KHDRBS2: variants seen among roughly 807,000 people sequenced by gnomAD.
KHDRBS2 encodes KH domain-containing, RNA-binding, signal transduction-associated protein 2.
A neutral mutation model predicts 44.3 loss-of-function variants in KHDRBS2; 26 were observed. The ratio of observed to expected loss-of-function variants is 0.59; its 90% CI spans 0.43 to 0.81. The LOEUF (loss-of-function observed/expected upper bound fraction) is 0.81, where lower values mean the gene tolerates loss of function less well. Ranked by LOEUF, KHDRBS2 falls within the 40% of genes least tolerant of loss-of-function variation. The probability of loss-of-function intolerance (pLI) is 0.00; values close to 1 mark genes in which losing one functional copy is unlikely to be tolerated. For missense variants in KHDRBS2, 476 were observed against 433.1 expected, an observed-to-expected ratio of 1.10 and a Z score of -0.88; for synonymous variants, 194 against 151.1, an observed-to-expected ratio of 1.28 and a Z score of -2.08.
chr6:61,811,474 G>T (rs921233139), intron 6 of KHDRBS2, among the ~76,000 whole-genome samples: 6 of 152,072 alleles, frequency 3.9e-5, no homozygotes, highest in African/African-American at 1.4e-4. Context: ...TCCAGTAATA[G>T]AATTGCTGGG....
rs1417679975 is a variant in KHDRBS2 at position 61,754,810 on chromosome 6, T to C, written c.811-22046A>G. On this transcript the variant is annotated intron_variant, in intron 6 of 8. Transcript: ENST00000281156. ...AGATGCATACATTTAGGGATATCTT[T>C]CTTAAATTATAACTTTGAAGGTTAG... Among the ~76,000 whole-genome samples, 5 of 152,282 alleles carry C rather than the reference T, an allele frequency of 3.3e-5. No individual in the cohort carries two copies. In the East Asian group the frequency reaches 5.8e-4, roughly 18 times the overall value.
At chr6:61,934,469 G>T (rs1810665492) in intron 4 of KHDRBS2, among the ~76,000 whole-genome samples, 1 of 152,078 alleles carries the variant, frequency 6.6e-6, no homozygotes. Flanking sequence ...CTGTAATAGA[G>T]TATATGCATT....
chr6:61,769,061 T>C (rs1037102332), intron 6 of KHDRBS2, among the ~76,000 whole-genome samples: 15 of 152,216 alleles, frequency 9.9e-5, no homozygotes, highest in African/African-American at 3.6e-4. Context: ...GAAATTAAAA[T>C]GCTCAGATAA....
At chr6:62,103,164 A>G (rs1347992785) in intron 2 of KHDRBS2, among the ~76,000 whole-genome samples, 1 of 152,140 alleles carries the variant, frequency 6.6e-6, no homozygotes, top group African/African-American at 2.4e-5. Flanking sequence ...GACTTCACCC[A>G]GAACTTGCAG....
chr6:62,061,031 T>C (rs1791708140), intron 2 of KHDRBS2, among the ~76,000 whole-genome samples: 1 of 151,946 alleles, frequency 6.6e-6, no homozygotes, highest in African/African-American at 2.4e-5. Flanking sequence ...GCTTGGTAGA[T>C]CTTCCTCCAT....
At chr6:62,094,251 C>G (rs569026348) in intron 2 of KHDRBS2, among the ~76,000 whole-genome samples, 3 of 151,872 alleles carry the variant, frequency 2.0e-5, no homozygotes, top group Admixed American at 2.0e-4. Context: ...TAAGGGGTAT[C>G]TCATTTTAAT....
intron 6 of KHDRBS2, among the ~76,000 whole-genome samples, chr6:61,879,424 T>C (rs558971219): frequency 1.3e-5 from 2 of 152,074 alleles, no homozygotes; most frequent in South Asian, 2.1e-4. Context: ...TTACATGCTG[T>C]TAGCTTTGAA....
chr6:62,265,682 T>C (rs1286979025), intron 1 of KHDRBS2, among the ~76,000 whole-genome samples: 2 of 152,040 alleles, frequency 1.3e-5, no homozygotes, highest in Non-Finnish European at 2.9e-5. Flanking sequence ...AAAAATTCTT[T>C]TCTTATTTTC....
At chr6:61,883,867 A>C (rs1431246295) in intron 6 of KHDRBS2, among the ~76,000 whole-genome samples, 1 of 152,026 alleles carries the variant, frequency 6.6e-6, no homozygotes, top group Non-Finnish European at 1.5e-5. Context: ...CATGAAACTC[A>C]AACAAGAATG....
chr6:62,202,936 T>C (rs1585187571), intron 1 of KHDRBS2, among the ~76,000 whole-genome samples: 1 of 152,266 alleles, frequency 6.6e-6, no homozygotes, highest in East Asian at 1.9e-4. Flanking sequence ...ATAGCAACTA[T>C]AATTGATTGT....
At chr6:61,978,678 G>A (rs1773227273) in intron 3 of KHDRBS2, among the ~76,000 whole-genome samples, 2 of 152,070 alleles carry the variant, frequency 1.3e-5, no homozygotes, top group Non-Finnish European at 2.9e-5. Context: ...GTGATAAAAA[G>A]TAGGGTAACT....
intron 6 of KHDRBS2, among the ~76,000 whole-genome samples, chr6:61,740,298 T>A (rs1165964938): frequency 6.6e-6 from 1 of 151,946 alleles, no homozygotes; most frequent in Non-Finnish European, 1.5e-5. Flanking sequence ...TGAAACTAAA[T>A]TGTGTTTTGT....
intron 2 of KHDRBS2, among the ~76,000 whole-genome samples, chr6:62,139,147 C>T (rs1161164070): frequency 6.6e-6 from 1 of 151,062 alleles, no homozygotes; most frequent in Admixed American, 6.6e-5. Flanking sequence ...AAGCCATTCA[C>T]AAAAATTTTC....
chr6:61,715,758 C>A (rs1178654988), intron 7 of KHDRBS2, among the ~76,000 whole-genome samples: 1 of 150,628 alleles, frequency 6.6e-6, no homozygotes, highest in African/African-American at 2.4e-5. Context: ...TAAGTCCTTC[C>A]TACTGTGCCT....
At chr6:62,159,550 A>ATATGTAGTCT (rs1817178002) in intron 2 of KHDRBS2, among the ~76,000 whole-genome samples, 4 of 152,082 alleles carry the variant, frequency 2.6e-5, no homozygotes, top group Admixed American at 2.6e-4. Flanking sequence ...TAGAGAAGAG[A>ATATGTAGTCT]CTACATAATT....
At chr6:61,766,112 T>G (rs1374663453) in intron 6 of KHDRBS2, among the ~76,000 whole-genome samples, 6 of 151,558 alleles carry the variant, frequency 4.0e-5, no homozygotes, top group African/African-American at 1.2e-4. Flanking sequence ...TGTTCAGGCT[T>G]TTTTTTTGCT....
Position 62,286,107 on chromosome 6 carries a change from C to A in KHDRBS2, c.-159G>T. 1.7e-6 allele frequency: 1 copy of A among 583,082 alleles called. No individual in the cohort carries two copies. The highest frequency in any genetic ancestry group is 2.1e-5 in the South Asian group (1 of 48,452). The allele number at this position is 583,082 out of a possible 1,614,324, so 36.1% of individuals were successfully genotyped here. A position where few individuals can be genotyped will look rare whatever the true frequency, so the allele number is the denominator to read the frequency against. On this transcript the variant is annotated 5_prime_UTR_variant, in exon 1 of 9. Transcript: ENST00000281156. Reference sequence around the variant, plus strand: ...TGGCCCATGCACCCAGCACCTGCGACTCCCGCCGTCGGGCTGCGTGGCCCC... The same window carrying A: ...TGGCCCATGCACCCAGCACCTGCGAATCCCGCCGTCGGGCTGCGTGGCCCC...
chr6:62,077,671 T>C (rs1796607885), intron 2 of KHDRBS2, among the ~76,000 whole-genome samples: 1 of 152,014 alleles, frequency 6.6e-6, no homozygotes, highest in Non-Finnish European at 1.5e-5. Flanking sequence ...AACACCTTTC[T>C]GCCTTTTGAT....
intron 7 of KHDRBS2, among the ~76,000 whole-genome samples, chr6:61,729,629 G>A (rs1401802721): frequency 6.6e-6 from 1 of 152,024 alleles, no homozygotes; most frequent in African/African-American, 2.4e-5. Flanking sequence ...TTTAATATTA[G>A]CCATTCCACA....
Sources: allele counts gnomAD v4.1 joint callset (sites outside exome capture counted in the v4.1 genomes callset), GRCh38; gene constraint gnomAD v4.1.1; transcripts MANE v1.5; gene names NCBI Gene and HGNC (gene_info 2026-07-23, HGNC 2026-07-21).